PLA2R1: variants seen among roughly 807,000 people sequenced by gnomAD.
The protein encoded by PLA2R1 is phospholipase A2 receptor 1.
PLA2R1 carries 158 observed loss-of-function variants against 195.9 expected under a neutral mutation model. The observed-to-expected ratio is 0.81, with a 90% CI of 0.71 to 0.92. PLA2R1 has a LOEUF of 0.92. PLA2R1 is among the 40% of genes least tolerant of loss of function. The pLI, the probability that PLA2R1 is intolerant of heterozygous loss-of-function variation, is 0.00. For missense variants in PLA2R1, 1,626 were observed against 1,764.6 expected (o/e 0.92, Z 1.41); for synonymous variants, 586 against 598.2 (o/e 0.98, Z 0.30).
intron 23 of PLA2R1, among the ~76,000 whole-genome samples, chr2:159,954,539 T>C (rs1687964604): frequency 6.6e-6 from 1 of 151,708 alleles, no homozygotes; most frequent in Non-Finnish European, 1.5e-5. Context: ...TATAAATATA[T>C]GCTAGGCTGC....
In PLA2R1 at chr2:159,941,961, A is replaced by T; in HGVS notation, c.4209T>A (p.Val1403=). ...CCACAATGACTATCAGTGTCAGTAC[A>T]ACCGCAAGAGGAATGATGCTGTGAC... ...GPSHSIIPLA[V]VLTLIVIVAI... The change falls in exon 30 of 30, where the codon GTT becomes GTA. Residue 1403 remains valine, a synonymous_variant. Transcript: ENST00000283243. 1.2e-6 allele frequency: 2 copies of T among 1,613,956 alleles called. No individual in the cohort carries two copies. Among genetic ancestry groups the T allele is most frequent in the Non-Finnish European group, 1.7e-6 (2 of 1,179,832 alleles).
chr2:160,055,492 G>A (rs954876910), intron 1 of PLA2R1, among the ~76,000 whole-genome samples: 3 of 152,240 alleles, frequency 2.0e-5, no homozygotes, highest in Non-Finnish European at 4.4e-5. Context: ...ACATGTGGAA[G>A]GAGGGGTTTG....
rs746192193 is a variant in PLA2R1, at chr2:160,044,787, T to C, written c.480A>G (p.Glu160=). 2.5e-6 allele frequency: 4 copies of C among 1,610,398 alleles called. No homozygotes were observed. The Admixed American group carries it at 6.7e-5, about 27-fold the overall frequency. The change falls in exon 2 of 30, where the codon GAA becomes GAG. Residue 160 remains glutamate, a synonymous_variant. Coordinates refer to ENST00000283243, the MANE Select transcript of PLA2R1 (RefSeq NM_007366.5). ...SYGSGGGDIC[E]YLHKDLHTIK... Reference sequence around the variant, plus strand: ...AATTATTTTTACCTTTGTGTAGATATTCACAAATGTCTCCACCACCTGACC... The same window carrying C: ...AATTATTTTTACCTTTGTGTAGATACTCACAAATGTCTCCACCACCTGACC...
chr2:160,038,360 T>C (rs35114803), intron 3 of PLA2R1, among the ~76,000 whole-genome samples: 14,790 of 152,242 alleles, frequency 0.097, 1,077 homozygotes, highest in Admixed American at 0.26. Context: ...ATTTCTGATA[T>C]GATGGTCTAG....
At chr2:159,925,560 G>GC in the PLA2R1 span, among the ~76,000 whole-genome samples, 6 of 35,878 alleles carry the variant, frequency 1.7e-4, no homozygotes, top group Non-Finnish European at 6.3e-4. Context: ...TGGAATCAAA[G>GC]CAAAAAAAAA....
intron 11 of PLA2R1, among the ~76,000 whole-genome samples, chr2:159,995,456 ATTTAT>A (rs1305954034): frequency 1.3e-5 from 2 of 152,100 alleles, no homozygotes; most frequent in Non-Finnish European, 2.9e-5. Context: ...AAATGTATTA[ATTTAT>A]TTTGACAGTT....
intron 25 of PLA2R1, 61 bp from the exon 26 acceptor site, chr2:159,947,620 T>G: frequency 1.4e-6 from 2 of 1,427,016 alleles, no homozygotes; most frequent in Non-Finnish European, 2.0e-6. Flanking sequence ...TTGAGATAAA[T>G]ATTACATTAC....
intron 8 of PLA2R1, 103 bp from the exon 9 acceptor site, chr2:160,016,815 G>A (rs767456155): frequency 8.9e-5 from 57 of 643,584 alleles, no homozygotes; most frequent in Non-Finnish European, 1.2e-4. Context: ...GTGCTCCCGC[G>A]TGGGATAATG....
chr2:160,021,505 G>A (rs992873653), intron 7 of PLA2R1, among the ~76,000 whole-genome samples: 1 of 152,216 alleles, frequency 6.6e-6, no homozygotes, highest in Non-Finnish European at 1.5e-5. Flanking sequence ...CACTTGAGGC[G>A]ATTCTGCTAA....
At chr2:160,048,256 A>G (rs1363062188) in intron 1 of PLA2R1, among the ~76,000 whole-genome samples, 1 of 152,186 alleles carries the variant, frequency 6.6e-6, no homozygotes, top group African/African-American at 2.4e-5. Flanking sequence ...TATTAGACAC[A>G]CCTAATCCAT....
chr2:159,942,320 A>C (rs1687131783), intron 28 of PLA2R1, among the ~76,000 whole-genome samples, 161 bp from the exon 29 acceptor site: 1 of 152,230 alleles, frequency 6.6e-6, no homozygotes, highest in Non-Finnish European at 1.5e-5. Flanking sequence ...GTATTGTTAC[A>C]GCTGCTTTCC....
rs941921527 is a variant in PLA2R1, at chr2:160,013,355, T to C, written c.1572A>G (p.Gly524=). The C allele has an allele frequency of 2.5e-6, 4 of 1,603,260 alleles. No homozygotes were observed. The African/African-American group carries it at 5.4e-5, about 21-fold the overall frequency. The change falls in exon 10 of 30, where the codon GGA becomes GGG. Residue 524 remains glycine (G), a synonymous_variant. Transcript: ENST00000283243. ...GCQEGWERHG[G]FCYKIDTVLR... is the part of the protein sequence containing the mutation. ...GGACTGTGTCAATTTTGTAACAGAA[T>C]CCACCATGTCTCTCCCATCCCTTAA...
At chr2:159,995,318 A>G (rs1453234920) in intron 11 of PLA2R1, among the ~76,000 whole-genome samples, 3 of 152,132 alleles carry the variant, frequency 2.0e-5, no homozygotes, top group Non-Finnish European at 2.9e-5. Flanking sequence ...GAAAAAGAGC[A>G]GTGTCACTCA....
chr2:159,951,663 A>G, intron 23 of PLA2R1, 85 bp from the exon 24 acceptor site: 2 of 751,552 alleles, frequency 2.7e-6, no homozygotes, highest in Non-Finnish European at 2.4e-6. Context: ...CCTTGTCACT[A>G]TGATCCATGT....
chr2:159,976,285 C>T (rs1689550408), intron 16 of PLA2R1, 60 bp from the exon 17 acceptor site: 1 of 1,224,772 alleles, frequency 8.2e-7, no homozygotes. Context: ...AGGATTGACC[C>T]CAAATTTGAG....
intron 3 of PLA2R1, among the ~76,000 whole-genome samples, chr2:160,033,753 T>C (rs1305697101): frequency 6.6e-6 from 1 of 152,244 alleles, no homozygotes; most frequent in African/African-American, 2.4e-5. Flanking sequence ...GTATGAAATG[T>C]GGAGCTGAAG....
At chr2:159,956,982 A>C (rs1348804759) in intron 20 of PLA2R1, among the ~76,000 whole-genome samples, 1 of 152,142 alleles carries the variant, frequency 6.6e-6, no homozygotes, top group Non-Finnish European at 1.5e-5. Context: ...CTAAAAAAAA[A>C]AAAACAAAAA....
chr2:160,019,949 T>A (rs1692997824), intron 8 of PLA2R1, among the ~76,000 whole-genome samples, 157 bp downstream of exon 8: 2 of 152,348 alleles, frequency 1.3e-5, no homozygotes, highest in East Asian at 1.9e-4. Flanking sequence ...AATTACCATG[T>A]TTTTTCTGTG....
chr2:159,949,573 A>C lies in PLA2R1; in HGVS notation c.3709+35T>G, dbSNP rs566557016. ...GTGTCTTGCATACAGTAGTTAAATAAGGTATATTTTTGAGTTGAATAGAAT... is the reference window on the plus strand; with the variant it reads ...GTGTCTTGCATACAGTAGTTAAATACGGTATATTTTTGAGTTGAATAGAAT... On this transcript the variant is annotated intron_variant, in intron 25 of 29. Transcript: ENST00000283243. 22 of 1,504,730 alleles carry C rather than the reference A, an allele frequency of 1.5e-5. No homozygotes were observed. In the Admixed American group the frequency reaches 1.5e-4, roughly 10 times the overall value. 93.2% of individuals were successfully genotyped at this position (1,504,730 alleles called of 1,614,324 possible). A position where few individuals can be genotyped will look rare whatever the true frequency, so the allele number is the denominator to read the frequency against.
Sources: gnomAD v4.1 joint callset for allele counts (sites outside exome capture counted in the v4.1 genomes callset) on GRCh38, gnomAD v4.1.1 for gene constraint, MANE v1.5 for transcripts, NCBI Gene and HGNC (gene_info 2026-07-23, HGNC 2026-07-21) for gene names.